EPHB1: variants seen among roughly 807,000 people sequenced by gnomAD.
The protein encoded by EPHB1 is ephrin type-B receptor 1.
In EPHB1, 30 loss-of-function variants were observed where a neutral mutation model predicts 94.4. The observed-to-expected ratio is 0.32, with a 90% CI of 0.24 to 0.43. The LOEUF is 0.43. Among genes scored for constraint, EPHB1 ranks in the 20% least tolerant of loss-of-function variants. EPHB1 has a pLI of 1.00. For synonymous variants in EPHB1, 522 were observed against 489.1 expected (o/e 1.07, Z -0.89); for missense variants, 1,055 against 1,308.3 (o/e 0.81, Z 2.99).
intron 3 of EPHB1, among the ~76,000 whole-genome samples, chr3:135,094,497 A>G (rs1452546707): frequency 6.6e-6 from 1 of 152,064 alleles, no homozygotes; most frequent in Non-Finnish European, 1.5e-5. Context: ...CCTCCTCCAC[A>G]ACTCCTCCCA....
At chr3:135,113,272 A>C (rs965481671) in intron 4 of EPHB1, among the ~76,000 whole-genome samples, 13 of 152,244 alleles carry the variant, frequency 8.5e-5, no homozygotes, top group African/African-American at 3.1e-4. Flanking sequence ...AGGAAGGGTC[A>C]GCGTTGCCTG....
intron 4 of EPHB1, among the ~76,000 whole-genome samples, chr3:135,115,893 T>G (rs533611432): frequency 6.6e-6 from 1 of 152,044 alleles, no homozygotes; most frequent in Admixed American, 6.6e-5. Context: ...AAGAAGTGGG[T>G]TTTGAGTCTC....
Position 135,128,775 on chromosome 3 carries a change from A to G in EPHB1, c.962-3939A>G, listed in dbSNP as rs191424383. 5.9e-5 allele frequency among the ~76,000 whole-genome samples: 9 copies of G among 152,360 alleles called. No individual in the cohort carries two copies. The East Asian group carries it at 1.7e-3, about 29-fold the overall frequency. ...TTCTGCCTCTCAAGTGCTGAAAAGA[A>G]TGCCGGGAGTATTAGTTACGGGAGT... On this transcript the variant is annotated intron_variant, in intron 4 of 15. Coordinates refer to ENST00000398015, the MANE Select transcript of EPHB1 (RefSeq NM_004441.5).
chr3:135,207,051 G>A (rs1407473485), intron 12 of EPHB1, among the ~76,000 whole-genome samples: 2 of 152,148 alleles, frequency 1.3e-5, no homozygotes, highest in Non-Finnish European at 2.9e-5. Context: ...TCTGTCTTTA[G>A]GAAGATTAAC....
intron 13 of EPHB1, among the ~76,000 whole-genome samples, chr3:135,244,848 T>A (rs1449648880): frequency 6.6e-6 from 1 of 152,214 alleles, no homozygotes; most frequent in Admixed American, 6.5e-5. Context: ...CATATACCAA[T>A]GATTGATCTC....
chr3:135,019,903 G>T (rs1172634722), intron 3 of EPHB1, among the ~76,000 whole-genome samples: 1 of 152,092 alleles, frequency 6.6e-6, no homozygotes, highest in Non-Finnish European at 1.5e-5. Flanking sequence ...TTTAGAATAG[G>T]TTCCTAGAAC....
chr3:135,119,028 C>T (rs370340172), intron 4 of EPHB1, among the ~76,000 whole-genome samples: 1 of 152,192 alleles, frequency 6.6e-6, no homozygotes, highest in Admixed American at 6.5e-5. Flanking sequence ...GGCTTCTCCA[C>T]ACACTGGCCT....
chr3:135,043,578 C>T (rs1278310462), intron 3 of EPHB1, among the ~76,000 whole-genome samples: 1 of 152,184 alleles, frequency 6.6e-6, no homozygotes, highest in African/African-American at 2.4e-5. Context: ...AGGAGCAGGC[C>T]TCACTGACCT....
At chr3:135,002,705 G>T (rs547672464) in intron 3 of EPHB1, among the ~76,000 whole-genome samples, 1 of 152,124 alleles carries the variant, frequency 6.6e-6, no homozygotes, top group Non-Finnish European at 1.5e-5. Flanking sequence ...ATGTGTGAAG[G>T]AATTTATCCA....
chr3:134,923,533 A>G (rs2038730550), intron 1 of EPHB1, among the ~76,000 whole-genome samples: 1 of 152,096 alleles, frequency 6.6e-6, no homozygotes, highest in Non-Finnish European at 1.5e-5. Context: ...TGGTGGGGCC[A>G]TTGGCCACTC....
At chr3:135,231,288 C>T (rs527250512) in intron 12 of EPHB1, among the ~76,000 whole-genome samples, 1 of 152,232 alleles carries the variant, frequency 6.6e-6, no homozygotes, top group Admixed American at 6.5e-5. Flanking sequence ...CCATCAGAGG[C>T]TGTTTTGGGT....
At chr3:135,016,912 C>G (rs1470309621) in intron 3 of EPHB1, among the ~76,000 whole-genome samples, 1 of 152,184 alleles carries the variant, frequency 6.6e-6, no homozygotes, top group East Asian at 1.9e-4. Flanking sequence ...TCCCAGAGTT[C>G]TCCTGCTTAT....
chr3:135,223,308 G>C (rs1361042277), intron 12 of EPHB1, among the ~76,000 whole-genome samples: 1 of 152,156 alleles, frequency 6.6e-6, no homozygotes, highest in East Asian at 1.9e-4. Flanking sequence ...ACCTTGCAGG[G>C]CTCCAGACCA....
intron 4 of EPHB1, among the ~76,000 whole-genome samples, chr3:135,113,916 A>C (rs1325735550): frequency 2.0e-5 from 3 of 152,226 alleles, no homozygotes. Context: ...TAGCAGCCAG[A>C]ATGAGACTTG....
At chr3:135,032,473 T>C (rs1442024474) in intron 3 of EPHB1, among the ~76,000 whole-genome samples, 2 of 152,244 alleles carry the variant, frequency 1.3e-5, no homozygotes, top group African/African-American at 4.8e-5. Context: ...TCTTCAATTA[T>C]CTGCTTTGCT....
At chr3:134,988,484 G>C (rs1335380107) in intron 3 of EPHB1, among the ~76,000 whole-genome samples, 1 of 152,066 alleles carries the variant, frequency 6.6e-6, no homozygotes, top group Non-Finnish European at 1.5e-5. Context: ...ATGACTGTTG[G>C]GTTCTATAAA....
intron 3 of EPHB1, among the ~76,000 whole-genome samples, chr3:134,970,887 T>G (rs1333044014): frequency 6.6e-6 from 1 of 152,234 alleles, no homozygotes; most frequent in East Asian, 1.9e-4. Flanking sequence ...CATAAGCAAT[T>G]AAACCATTTT....
rs574766701 is a variant in EPHB1, at chr3:135,155,419, G to A, written c.1422+1143G>A. On this transcript the variant is annotated intron_variant, in intron 6 of 15. Transcript: ENST00000398015. ...ATCATGACTGGTGATTCAACAAGCA[G>A]GAAGGAAACCAGCATGACTGGAGTG... Among the ~76,000 whole-genome samples the A allele has an allele frequency of 8.5e-5, 13 of 152,154 alleles. No homozygotes were observed. In the South Asian group the frequency reaches 2.5e-3, roughly 29 times the overall value.
chr3:135,130,368 C>G (rs919493916), intron 4 of EPHB1, among the ~76,000 whole-genome samples: 6 of 152,168 alleles, frequency 3.9e-5, no homozygotes, highest in Non-Finnish European at 8.8e-5. Flanking sequence ...GGATTTGTCA[C>G]ATAGAAAGCC....
Sources: allele counts gnomAD v4.1 joint callset (sites outside exome capture counted in the v4.1 genomes callset), GRCh38; gene constraint gnomAD v4.1.1; transcripts MANE v1.5; gene names NCBI Gene and HGNC (gene_info 2026-07-23, HGNC 2026-07-21).